The following CUL9 variants were observed in gnomAD, a reference collection of about 807,000 sequenced individuals.
The protein encoded by CUL9 is cullin 9.
Under a neutral mutation model 272.6 loss-of-function variants are expected in CUL9, and 79 were observed. That is an observed-to-expected ratio of 0.29 (90% CI 0.24 to 0.35). The LOEUF (loss-of-function observed/expected upper bound fraction) is 0.35. CUL9 is among the 10% of genes least tolerant of loss of function. The pLI, the probability that CUL9 is intolerant of heterozygous loss-of-function variation, is 1.00. For synonymous variants in CUL9, 1,186 were observed against 1,286.5 expected (o/e 0.92, Z 1.67); for missense variants, 2,532 against 3,255.6 (o/e 0.78, Z 5.41).
Position 43,218,665 on chromosome 6 carries a change from G to A in CUL9, c.6283-1794G>A, listed in dbSNP as rs1366785281. On this transcript the variant is annotated intron_variant, in intron 31 of 40. Coordinates refer to ENST00000252050, the MANE Select transcript of CUL9 (RefSeq NM_015089.4). The surrounding 1 kb of genome is among the most constrained non-coding windows in gnomAD (Gnocchi z 4.4). ...ACTGGGGCAGTGGCGATGAGAGAGGGTGGATTGGGACACATTTGGAAGTGG... is the reference window on the plus strand; with the variant it reads ...ACTGGGGCAGTGGCGATGAGAGAGGATGGATTGGGACACATTTGGAAGTGG... Among the ~76,000 whole-genome samples the A allele has an allele frequency of 6.6e-6, 1 of 152,204 alleles. No homozygotes were observed. Among genetic ancestry groups the A allele is most frequent in the Non-Finnish European group, 1.5e-5 (1 of 68,040 alleles).
rs1304832582 is a variant in CUL9, at chr6:43,221,794, C to G, written c.6846+16C>G. ...CTCTGCCATGGTAAGGCGCTGGGCA[C>G]TAGGGGAGGGCAGAGGCCCAGAGCC... On this transcript the variant is annotated intron_variant, in intron 35 of 40. Transcript: ENST00000252050. This position sits in a 1 kb window ranked among gnomAD's most constrained non-coding sequence, Gnocchi z 4.2. 6.2e-7 allele frequency: 1 copy of G among 1,607,414 alleles called. No homozygotes were observed. The highest frequency in any genetic ancestry group is 2.2e-5 in the East Asian group (1 of 44,876).
At position 43,184,487 on chromosome 6, in the gene CUL9, A is replaced by G. The variant is rs1358563143; in HGVS notation, c.177A>G (p.Lys59=). ...GCAAAGTGGGTGTGGAAGAAGGCAA[A>G]GCAGAGCACATCCTCATGTGGCTGT... ...EVGKVGVEEG[K]AEHILMWLSA... is the part of the protein sequence containing the mutation. The change falls in exon 2 of 41, where the codon AAA becomes AAG. Residue 59 remains lysine, a synonymous_variant. Transcript: ENST00000252050. This position sits in a 1 kb window ranked among gnomAD's most constrained non-coding sequence, Gnocchi z 4.8. The G allele has an allele frequency of 6.2e-7, 1 of 1,613,274 alleles. No homozygotes were observed. The highest frequency in any genetic ancestry group is 8.5e-7 in the Non-Finnish European group (1 of 1,179,600).
At position 43,220,619 on chromosome 6, in the gene CUL9, A is replaced by G. The variant is rs750797474; in HGVS notation, c.6423+20A>G. ...TCCAAGGTATCCCCTCTCGTCTGAG[A>G]GAGGCTCCAGTGCAGAGCCAAAGGA... On this transcript the variant is annotated intron_variant, in intron 32 of 40. Transcript: ENST00000252050. This position sits in a 1 kb window ranked among gnomAD's most constrained non-coding sequence, Gnocchi z 4.9. The G allele has an allele frequency of 2.8e-5, 45 of 1,613,414 alleles. No individual in the cohort carries two copies. In the East Asian group the frequency reaches 9.1e-4, roughly 33 times the overall value.
chr6:43,195,300 G>GTGTGTGGAGTCT, intron 9 of CUL9, among the ~76,000 whole-genome samples: 2 of 152,324 alleles, frequency 1.3e-5, no homozygotes, highest in Non-Finnish European at 2.9e-5. Flanking sequence ...TCTCCACTCT[G>GTGTGTGGAGTCT]ATTGTATAGT....
intron 37 of CUL9, 64 bp from the exon 38 acceptor site, chr6:43,222,715 G>T: frequency 6.2e-7 from 1 of 1,605,002 alleles, no homozygotes; most frequent in Non-Finnish European, 8.5e-7. Context: ...TGCTTTCATC[G>T]GACTTGCCTG....
chr6:43,215,036 C>T (rs1775822792), intron 29 of CUL9, 43 bp from the exon 30 acceptor site: 1 of 1,546,308 alleles, frequency 6.5e-7, no homozygotes, highest in Admixed American at 2.0e-5. Context: ...GCAGCCTGCT[C>T]CCTACATAAA....
At position 43,205,038 on chromosome 6, in the gene CUL9, C is replaced by G. The variant is rs139277408; in HGVS notation, c.4555C>G (p.Arg1519Gly). 23 of 1,612,662 alleles carry G rather than the reference C, an allele frequency of 1.4e-5. 1 individual carries two copies. The South Asian group carries it at 2.5e-4, about 18-fold the overall frequency. The change falls in exon 23 of 41, where the codon CGG becomes GGG. Residue 1519 changes from arginine (R) to glycine (G), a missense_variant. Arg to Gly is a moderately radical substitution (Grantham distance 125). Around this residue, in one of 3 missense-constraint regions of CUL9, gnomAD observed 2,218 missense variants for 2,788.6 expected, o/e 0.80. Transcript: ENST00000252050. ...AGCAGGCTCCGAGCTGTTTGGGCCTCGGGCAGCCTTCATGCTGGCTCTGCG... is the reference window on the plus strand; with the variant it reads ...AGCAGGCTCCGAGCTGTTTGGGCCTGGGGCAGCCTTCATGCTGGCTCTGCG... Reference protein sequence around the residue: ...QRAGSELFGPRAAFMLALRSG... With the variant: ...QRAGSELFGPGAAFMLALRSG...
intron 8 of CUL9, among the ~76,000 whole-genome samples, 190 bp from the exon 9 acceptor site, chr6:43,192,811 G>C (rs1164438489): frequency 6.6e-6 from 1 of 152,228 alleles, no homozygotes; most frequent in Non-Finnish European, 1.5e-5. Flanking sequence ...CGAGGAGCCA[G>C]AGGCAGTTAG....
Position 43,203,141 on chromosome 6 carries a change from C to T in CUL9, c.3786C>T (p.Ile1262=), listed in dbSNP as rs776274941. 2.5e-6 allele frequency: 4 copies of T among 1,613,744 alleles called. No homozygotes were observed. The highest frequency in any genetic ancestry group is 3.4e-4 in the Middle Eastern group (2 of 5,804). ...TGATGCCCTCTGCCAGCCGGGTGAT[C>T]CTCTTGGAGAACCTGAACCGCTTCT... ...VNVMPSASRV[I]LLENLNRFWP... is the part of the protein sequence containing the mutation. Residue 1262 remains isoleucine, a synonymous_variant, in exon 18 of 41, where the codon ATC becomes ATT. Transcript: ENST00000252050. The surrounding 1 kb of genome is among the most constrained non-coding windows in gnomAD (Gnocchi z 5.0).
At chr6:43,204,697 C>G in intron 21 of CUL9, 51 bp from the exon 22 acceptor site, 1 of 1,602,982 alleles carries the variant, frequency 6.2e-7, no homozygotes, top group South Asian at 1.1e-5. Context: ...GACCGGTGTA[C>G]TCACCCAGAG....
chr6:43,204,221 C>T, intron 20 of CUL9, 139 bp from the exon 21 acceptor site: 2 of 1,157,368 alleles, frequency 1.7e-6, no homozygotes, highest in Non-Finnish European at 2.4e-6. Context: ...CCAGCTGAAA[C>T]AAACCTTGGT....
At position 43,204,406 on chromosome 6, in the gene CUL9, A is replaced by G; in HGVS notation, c.4206A>G (p.Leu1402=). Reference sequence around the variant, plus strand: ...TGGGATGGCTGCTGGATCAGTACTTAGAACAGAGAGAGACCTCTCGGAACC... The same window carrying G: ...TGGGATGGCTGCTGGATCAGTACTTGGAACAGAGAGAGACCTCTCGGAACC... The part of the protein sequence containing the change: ...SALGWLLDQY[L]EQRETSRNPL... The change falls in exon 21 of 41, where the codon TTA becomes TTG. Residue 1402 remains leucine, a synonymous_variant. Coordinates refer to ENST00000252050, the MANE Select transcript of CUL9 (RefSeq NM_015089.4). 1.2e-6 allele frequency: 2 copies of G among 1,614,170 alleles called. No individual in the cohort carries two copies. Among genetic ancestry groups the G allele is most frequent in the Non-Finnish European group, 1.7e-6 (2 of 1,180,030 alleles).
rs761705914 is a variant in CUL9 at position 43,186,434 on chromosome 6, C to A, written c.1230C>A (p.Asn410Lys). 5.6e-6 allele frequency: 9 copies of A among 1,596,638 alleles called. No homozygotes were observed. The Admixed American group carries it at 8.4e-5, about 15-fold the overall frequency. The change falls in exon 4 of 41, where the codon AAC becomes AAA. Residue 410 changes from asparagine to lysine, a missense_variant. Physicochemically the swap from Asn to Lys is moderately conservative, Grantham distance 94. This residue lies in a region of CUL9 where 2,218 missense variants were observed against 2,788.6 expected (regional missense o/e 0.80). Coordinates refer to ENST00000252050, the MANE Select transcript of CUL9 (RefSeq NM_015089.4). Reference sequence around the variant, plus strand: ...ACGAGGGCGAGTTCCGGCAGAGCAACAACGGCATTCCCCCTGTGCAGGTGG... The same window carrying A: ...ACGAGGGCGAGTTCCGGCAGAGCAAAAACGGCATTCCCCCTGTGCAGGTGG... ...AGDEGEFRQS[N>K]NGIPPVQVFW...
chr6:43,221,326 GAAGGGGGGTACTGT>G lies in CUL9; in HGVS notation c.6752+6_6752+19del. 6.3e-7 allele frequency: 1 copy of G among 1,594,772 alleles called. No individual in the cohort carries two copies. Among genetic ancestry groups the G allele is most frequent in the Non-Finnish European group, 8.5e-7 (1 of 1,174,576 alleles). On this transcript the variant is annotated splice_donor_region_variant and intron_variant, in intron 34 of 40. Transcript: ENST00000252050. The surrounding 1 kb of genome is among the most constrained non-coding windows in gnomAD (Gnocchi z 4.2). ...GAAGAACGAGGGGTGCCTGCAGTAA[GAAGGGGGGTACTGT>G]GGGGAGCCAGAGGGCAAGGAGGGGG...
rs759600441 is a variant in CUL9 at position 43,198,678 on chromosome 6, G to A, written c.2873G>A (p.Gly958Asp). ...CTACTGATTCGATCCCTGGTTGGGG[G>A]CCCATCTGCAGAACTACTCCTGGAC... Reference protein sequence around the residue: ...PELLIRSLVGGPSAELLLDLE... With the variant: ...PELLIRSLVGDPSAELLLDLE... The change falls in exon 12 of 41, where the codon GGC becomes GAC. Residue 958 changes from glycine to aspartate, a missense_variant. Physicochemically the swap from Gly to Asp is moderately conservative, Grantham distance 94. Transcript: ENST00000252050. The A allele has an allele frequency of 1.2e-6, 2 of 1,613,054 alleles. No individual in the cohort carries two copies. The highest frequency in any genetic ancestry group is 1.7e-6 in the Non-Finnish European group (2 of 1,179,088).
At position 43,184,006 on chromosome 6, in the gene CUL9, C is replaced by G. The variant is rs1033637011; in HGVS notation, c.-9-296C>G. On this transcript the variant is annotated intron_variant, in intron 1 of 40. Transcript: ENST00000252050. This position sits in a 1 kb window ranked among gnomAD's most constrained non-coding sequence, Gnocchi z 4.8. ...GACCTCGTGATCTGCCCACCTTGGC[C>G]TCCTAAAGTGCTGGGATTACAGGCG... 6.6e-6 allele frequency among the ~76,000 whole-genome samples: 1 copy of G among 152,178 alleles called. No individual in the cohort carries two copies. Among genetic ancestry groups the G allele is most frequent in the Non-Finnish European group, 1.5e-5 (1 of 68,030 alleles).
At position 43,204,410 on chromosome 6, in the gene CUL9, CAG is replaced by C; in HGVS notation, c.4218_4219del (p.Glu1406AspfsTer35). On this transcript the variant is annotated frameshift_variant, in exon 21 of 41. Coordinates refer to ENST00000252050, the MANE Select transcript of CUL9 (RefSeq NM_015089.4). LOFTEE classifies it high-confidence loss of function. ...ATGGCTGCTGGATCAGTACTTAGAA[CAG>C]AGAGAGACCTCTCGGAACCCCTTGA... The part of the protein sequence containing the change: ...LGWLLDQYLE[Q>X]RETSRNPLSR... 6.2e-7 allele frequency: 1 copy of C among 1,614,178 alleles called. No individual in the cohort carries two copies. Among genetic ancestry groups the C allele is most frequent in the Non-Finnish European group, 8.5e-7 (1 of 1,180,034 alleles).
rs1682583492 is a variant in CUL9, at chr6:43,216,369, C to T, written c.6148C>T (p.Leu2050=). The T allele has an allele frequency of 6.2e-7, 1 of 1,614,042 alleles. No homozygotes were observed. Among genetic ancestry groups the T allele is most frequent in the East Asian group, 2.2e-5 (1 of 44,898 alleles). ...QSYSEDPEPL[L]LAAGLCVHQA... Reference sequence around the variant, plus strand: ...CTACAGTGAGGACCCTGAGCCACTGCTGCTGGCAGCTGGGCTGTGCGTACA... The same window carrying T: ...CTACAGTGAGGACCCTGAGCCACTGTTGCTGGCAGCTGGGCTGTGCGTACA... The change falls in exon 31 of 41, where the codon CTG becomes TTG. Residue 2050 remains leucine, a synonymous_variant. Coordinates refer to ENST00000252050, the MANE Select transcript of CUL9 (RefSeq NM_015089.4).
chr6:43,204,415 A>G lies in CUL9; in HGVS notation c.4215A>G (p.Arg1405=), dbSNP rs763455792. Reference sequence around the variant, plus strand: ...TGCTGGATCAGTACTTAGAACAGAGAGAGACCTCTCGGAACCCCTTGAGTC... The same window carrying G: ...TGCTGGATCAGTACTTAGAACAGAGGGAGACCTCTCGGAACCCCTTGAGTC... ...GWLLDQYLEQ[R]ETSRNPLSRA... Residue 1405 remains arginine, a synonymous_variant, in exon 21 of 41, where the codon AGA becomes AGG. Coordinates refer to ENST00000252050, the MANE Select transcript of CUL9 (RefSeq NM_015089.4). The G allele has an allele frequency of 9.9e-6, 16 of 1,613,990 alleles. No homozygotes were observed. Among genetic ancestry groups the G allele is most frequent in the Admixed American group, 1.7e-5 (1 of 60,000 alleles).
Sources: allele counts gnomAD v4.1 joint callset (sites outside exome capture counted in the v4.1 genomes callset), GRCh38; gene constraint gnomAD v4.1.1; regional missense constraint gnomAD v4.1.1; non-coding constraint Gnocchi (gnomAD v3.1); transcripts MANE v1.5; gene names NCBI Gene and HGNC (gene_info 2026-07-23, HGNC 2026-07-21).